Variants in BANP observed in about 807,000 individuals in gnomAD.
BANP encodes the protein BTG3 associated nuclear protein.
A neutral mutation model predicts 68.1 loss-of-function variants in BANP; 11 were observed. The ratio of observed to expected loss-of-function variants is 0.16; its 90% confidence interval spans 0.10 to 0.27. BANP has a LOEUF of 0.27. Ranked by LOEUF, BANP falls within the 10% of genes least tolerant of loss-of-function variation. The pLI is 1.00. For missense variants in BANP, 504 were observed against 722.7 expected (o/e 0.70, Z 3.47); for synonymous variants, 329 against 303.2 (o/e 1.09, Z -0.88).
At chr16:87,965,141 T>C (rs534933290) in intron 1 of BANP, among the ~76,000 whole-genome samples, 47 of 152,086 alleles carry the variant, frequency 3.1e-4, no homozygotes, top group South Asian at 6.2e-4. Context: ...GAAGTGGATG[T>C]GGGACCAGCA....
chr16:88,041,973 G>C (rs1253068044), intron 11 of BANP, among the ~76,000 whole-genome samples: 1 of 152,180 alleles, frequency 6.6e-6, no homozygotes, highest in Non-Finnish European at 1.5e-5. Context: ...CAGTAGGAGG[G>C]TGAGAGACGC....
At chr16:87,991,661 A>G (rs1490902629) in intron 4 of BANP, among the ~76,000 whole-genome samples, 2 of 152,230 alleles carry the variant, frequency 1.3e-5, no homozygotes, top group Non-Finnish European at 2.9e-5. Flanking sequence ...GCTATCATAA[A>G]TGGTATTGTA....
chr16:87,994,386 G>C (rs2066658038), intron 4 of BANP, among the ~76,000 whole-genome samples: 1 of 152,226 alleles, frequency 6.6e-6, no homozygotes, highest in Non-Finnish European at 1.5e-5. Flanking sequence ...TGGCTCCTTG[G>C]GGAGAGCAGC....
chr16:88,073,756 A>G (rs980540115), intron 13 of BANP, among the ~76,000 whole-genome samples: 5 of 152,326 alleles, frequency 3.3e-5, no homozygotes, highest in African/African-American at 4.8e-5. Flanking sequence ...TGTGGGGGCC[A>G]TGCCTGAGGG....
At chr16:88,054,678 C>T (rs1030957071) in intron 11 of BANP, among the ~76,000 whole-genome samples, 12 of 152,230 alleles carry the variant, frequency 7.9e-5, no homozygotes, top group African/African-American at 2.7e-4. Flanking sequence ...TTATTGGCCT[C>T]TCACCCTCTT....
At position 88,057,463 on chromosome 16, in the gene BANP, C is replaced by G. The variant is rs1222620435; in HGVS notation, c.1312-7804C>G. On this transcript the variant is annotated intron_variant, in intron 11 of 13. Coordinates refer to ENST00000682872, the MANE Select transcript of BANP (RefSeq NM_001386991.1). This position sits in a 1 kb window ranked among gnomAD's most constrained non-coding sequence, Gnocchi z 4.6. ...TCTCCAGGGGGATGCCCTGGAGACT[C>G]TTGCGGTCCCCTCCACGTGTTCACC... Among the ~76,000 whole-genome samples the G allele has an allele frequency of 6.6e-6, 1 of 152,056 alleles. No individual in the cohort carries two copies. Among genetic ancestry groups the G allele is most frequent in the Non-Finnish European group, 1.5e-5 (1 of 68,008 alleles).
intron 1 of BANP, among the ~76,000 whole-genome samples, chr16:87,969,283 A>T (rs114332563): frequency 0.015 from 2,345 of 152,068 alleles, 66 homozygotes; most frequent in African/African-American, 0.054. Context: ...TTGCACACAT[A>T]TGTGAATGTC....
chr16:87,966,359 C>T (rs190316517), intron 1 of BANP, among the ~76,000 whole-genome samples: 1 of 152,324 alleles, frequency 6.6e-6, no homozygotes, highest in Admixed American at 6.5e-5. Flanking sequence ...GCATTAGTCT[C>T]AGTCCAGCTG....
intron 4 of BANP, among the ~76,000 whole-genome samples, chr16:87,995,989 T>G (rs1433975952): frequency 6.6e-6 from 1 of 152,200 alleles, no homozygotes; most frequent in Non-Finnish European, 1.5e-5. Context: ...CCTGGGGCAT[T>G]TGAAAGTTGT....
At position 88,033,243 on chromosome 16, in the gene BANP, G is replaced by A. The variant is rs2078588635; in HGVS notation, c.1198G>A (p.Val400Ile). ...HQIGEDGQVQ[V>I]IPQGHLHIAQ... ...GATCGGAGAAGACGGACAGGTGCAAGTAGTACGTACCCTCTCCACCTCACA... is the reference window on the plus strand; with the variant it reads ...GATCGGAGAAGACGGACAGGTGCAAATAGTACGTACCCTCTCCACCTCACA... The change falls in exon 9 of 14, where the codon GTA becomes ATA. Residue 400 changes from valine (V) to isoleucine (I), a missense_variant and splice_region_variant. Coordinates refer to ENST00000682872, the MANE Select transcript of BANP (RefSeq NM_001386991.1). 3.1e-6 allele frequency: 5 copies of A among 1,598,994 alleles called. No homozygotes were observed. The South Asian group carries it at 3.4e-5, about 11-fold the overall frequency.
intron 11 of BANP, among the ~76,000 whole-genome samples, chr16:88,046,569 G>A (rs759274920): frequency 2.0e-5 from 3 of 150,878 alleles, no homozygotes; most frequent in Non-Finnish European, 4.4e-5. Context: ...TTTTTGACAC[G>A]GAGTCTTGCT....
At chr16:88,029,374 C>G (rs975756179) in intron 8 of BANP, among the ~76,000 whole-genome samples, 1 of 149,902 alleles carries the variant, frequency 6.7e-6, no homozygotes, top group African/African-American at 2.5e-5. Flanking sequence ...CTTTGGGAGG[C>G]CAAGGCGGGC....
At chr16:87,988,984 T>G (rs556110194) in intron 4 of BANP, among the ~76,000 whole-genome samples, 1 of 152,366 alleles carries the variant, frequency 6.6e-6, no homozygotes, top group South Asian at 2.1e-4. Flanking sequence ...CTGATTATTC[T>G]TTCCTTTCAC....
intron 4 of BANP, among the ~76,000 whole-genome samples, 193 bp downstream of exon 4, chr16:87,984,452 G>A (rs1326546779): frequency 6.6e-6 from 1 of 152,236 alleles, no homozygotes; most frequent in Non-Finnish European, 1.5e-5. Context: ...CTGCCAGGAT[G>A]ACCTGAAGTC....
chr16:87,954,521 C>T (rs572598970), intron 1 of BANP, among the ~76,000 whole-genome samples: 2 of 152,316 alleles, frequency 1.3e-5, no homozygotes, highest in East Asian at 3.9e-4. Flanking sequence ...AGTTTCCCCT[C>T]GGGTGATTGG....
intron 1 of BANP, among the ~76,000 whole-genome samples, chr16:87,955,492 G>T (rs143122466): frequency 6.6e-6 from 1 of 152,224 alleles, no homozygotes; most frequent in African/African-American, 2.4e-5. Flanking sequence ...CCATATAAAC[G>T]CCAGAAAGTT....
chr16:87,987,308 AC>A (rs1324659890), intron 4 of BANP, among the ~76,000 whole-genome samples: 5 of 152,126 alleles, frequency 3.3e-5, no homozygotes, highest in Non-Finnish European at 7.4e-5. Flanking sequence ...TGAACTCTTG[AC>A]CTTAGGTGAT....
chr16:88,001,399 T>C (rs1208464259), intron 4 of BANP, among the ~76,000 whole-genome samples: 1 of 152,272 alleles, frequency 6.6e-6, no homozygotes, highest in Non-Finnish European at 1.5e-5. Context: ...CACATCTCCA[T>C]GCACATACAT....
intron 1 of BANP, chr16:87,963,512 C>T (rs1461763882): frequency 6.6e-6 from 1 of 152,162 alleles, no homozygotes; most frequent in East Asian, 1.9e-4. Flanking sequence ...ACGTCAGAGC[C>T]CCGCTCTGGG....
Sources: gnomAD v4.1 joint callset for allele counts (sites outside exome capture counted in the v4.1 genomes callset) on GRCh38, gnomAD v4.1.1 for gene constraint, Gnocchi (gnomAD v3.1) non-coding constraint, MANE v1.5 for transcripts, NCBI Gene and HGNC (gene_info 2026-07-23, HGNC 2026-07-21) for gene names.